SIDT1: variants seen among roughly 807,000 people sequenced by gnomAD.
SIDT1 encodes the protein SID1 transmembrane family, member 1.
Under a neutral mutation model 107.5 loss-of-function variants are expected in SIDT1, and 101 were observed. The observed-to-expected ratio is 0.94, with a 90% CI of 0.80 to 1.11. The LOEUF (loss-of-function observed/expected upper bound fraction) is 1.11. SIDT1 is among the 50% of genes least tolerant of loss of function. The probability of loss-of-function intolerance (pLI) is 0.00; values close to 1 mark genes in which losing one functional copy is unlikely to be tolerated. For missense variants in SIDT1, 1,076 were observed against 1,058.2 expected (o/e 1.02, Z -0.23); for synonymous variants, 395 against 398.2 (o/e 0.99, Z 0.10).
rs1560107029 is a variant in SIDT1, at chr3:113,603,023, C to A, written c.1136C>A (p.Pro379His). Residue 379 changes from proline (P) to histidine (H), a missense_variant, in exon 12 of 25, where the codon CCT (proline) becomes CAT (histidine). Pro to His is a moderately conservative substitution (Grantham distance 77, BLOSUM62 -2). Coordinates refer to ENST00000264852, the MANE Select transcript of SIDT1 (RefSeq NM_017699.3). ...YGTIDESSSS[P>H]GRQMSSSDGG... Reference sequence around the variant, plus strand: ...GTTTCAGATGAGTCAAGCTCCAGTCCTGGAAGGCAGATGTCCTCCTCCGAT... The same window carrying A: ...GTTTCAGATGAGTCAAGCTCCAGTCATGGAAGGCAGATGTCCTCCTCCGAT... 6.2e-7 allele frequency: 1 copy of A among 1,614,032 alleles called. No individual in the cohort carries two copies.
chr3:113,570,595 A>G (rs929591312), intron 3 of SIDT1, among the ~76,000 whole-genome samples: 1 of 152,246 alleles, frequency 6.6e-6, no homozygotes, highest in Non-Finnish European at 1.5e-5. Flanking sequence ...TTACCTCATA[A>G]TATGACTTAG....
At chr3:113,590,344 A>T (rs920394058) in intron 9 of SIDT1, among the ~76,000 whole-genome samples, 1 of 152,242 alleles carries the variant, frequency 6.6e-6, no homozygotes, top group African/African-American at 2.4e-5. Flanking sequence ...GTATCAAAAC[A>T]TGGGCACTTC....
downstream of SIDT1, among the ~76,000 whole-genome samples, chr3:113,633,868 C>T (rs1327592360): frequency 6.6e-6 from 1 of 152,054 alleles, no homozygotes; most frequent in African/African-American, 2.4e-5. Flanking sequence ...GCCTTGGGGT[C>T]CACTGAGCTG....
intron 18 of SIDT1, among the ~76,000 whole-genome samples, chr3:113,611,773 T>C (rs1428891758): frequency 1.3e-5 from 2 of 152,222 alleles, no homozygotes; most frequent in Non-Finnish European, 2.9e-5. Flanking sequence ...ACCTTCTAAA[T>C]ACGCATGGGA....
chr3:113,569,578 C>T (rs1329749051), intron 3 of SIDT1, among the ~76,000 whole-genome samples: 1 of 152,102 alleles, frequency 6.6e-6, no homozygotes, highest in African/African-American at 2.4e-5. Flanking sequence ...GTGTTATACC[C>T]ATACGGAAAC....
At chr3:113,562,139 G>C (rs1941489451) in intron 1 of SIDT1, among the ~76,000 whole-genome samples, 1 of 152,106 alleles carries the variant, frequency 6.6e-6, no homozygotes, top group East Asian at 1.9e-4. Context: ...TAAATATCAT[G>C]TGGTCCACAA....
At position 113,566,503 on chromosome 3, in the gene SIDT1, G is replaced by T. The variant is rs1323400608; in HGVS notation, c.306G>T (p.Glu102Asp). 6.2e-7 allele frequency: 1 copy of T among 1,614,176 alleles called. No homozygotes were observed. Among genetic ancestry groups the T allele is most frequent in the East Asian group, 2.2e-5 (1 of 44,886 alleles). ...TTGTTGTGGTTCGCCAGCAGAAAGAGGTGCTGTCCTGGCAGGTTCCTCTGC... is the reference window on the plus strand; with the variant it reads ...TTGTTGTGGTTCGCCAGCAGAAAGATGTGCTGTCCTGGCAGGTTCCTCTGC... ...PVLVVVRQQK[E>D]VLSWQVPLLF... Residue 102 changes from glutamate to aspartate, a missense_variant, in exon 2 of 25, where the codon GAG (glutamate) becomes GAT (aspartate). Glu to Asp is a conservative substitution (Grantham distance 45). Transcript: ENST00000264852.
At chr3:113,545,316 T>G (rs1939467941) in intron 1 of SIDT1, among the ~76,000 whole-genome samples, 1 of 152,122 alleles carries the variant, frequency 6.6e-6, no homozygotes, top group South Asian at 2.1e-4. Context: ...TCAGTTAATA[T>G]TCTACTGTAA....
At chr3:113,613,912 A>C (rs1302922007) in intron 19 of SIDT1, among the ~76,000 whole-genome samples, 3 of 152,250 alleles carry the variant, frequency 2.0e-5, no homozygotes, top group African/African-American at 7.2e-5. Context: ...TTAGGGTCCC[A>C]ACAGGAAAAA....
At chr3:113,604,813 TG>T in intron 13 of SIDT1, 96 bp from the exon 14 acceptor site, 1 of 1,402,678 alleles carries the variant, frequency 7.1e-7, no homozygotes, top group Non-Finnish European at 1.0e-6. Flanking sequence ...AAGTTAATTA[TG>T]GACTTATGGG....
chr3:113,611,716 G>A (rs569679715), intron 18 of SIDT1, among the ~76,000 whole-genome samples: 4 of 152,300 alleles, frequency 2.6e-5, no homozygotes, highest in African/African-American at 7.2e-5. Flanking sequence ...AAGTGGAATA[G>A]GGGTATATAA....
chr3:113,621,146 C>T (rs1946438270), intron 21 of SIDT1, among the ~76,000 whole-genome samples: 1 of 152,102 alleles, frequency 6.6e-6, no homozygotes. Flanking sequence ...GATGTATGTA[C>T]ATACATATGC....
chr3:113,603,367 G>A (rs1329742928), intron 12 of SIDT1, among the ~76,000 whole-genome samples: 4 of 152,002 alleles, frequency 2.6e-5, no homozygotes, highest in Non-Finnish European at 4.4e-5. Context: ...AAAGAGCACA[G>A]GGCATTAAAA....
intron 12 of SIDT1, 117 bp from the exon 13 acceptor site, chr3:113,603,843 G>A (rs1576925341): frequency 7.5e-6 from 5 of 663,644 alleles, no homozygotes; most frequent in East Asian, 6.3e-5. Context: ...TAATTGTATC[G>A]CTTGAATAAT....
intron 13 of SIDT1, 109 bp downstream of exon 13, chr3:113,604,142 A>G: frequency 1.4e-6 from 1 of 692,364 alleles, no homozygotes; most frequent in Non-Finnish European, 2.4e-6. Flanking sequence ...AGGCACAGGC[A>G]TAGGGAATGA....
intron 1 of SIDT1, among the ~76,000 whole-genome samples, chr3:113,549,409 C>T (rs138465734): frequency 6.6e-6 from 1 of 152,282 alleles, no homozygotes; most frequent in East Asian, 1.9e-4. Context: ...TCCACAACCT[C>T]ATCAGCATTT....
chr3:113,574,123 A>G (rs187683546), intron 3 of SIDT1, among the ~76,000 whole-genome samples: 65 of 152,348 alleles, frequency 4.3e-4, no homozygotes, highest in Non-Finnish European at 6.6e-4. Flanking sequence ...GGTTGAGACT[A>G]GAATATATTT....
At chr3:113,568,333 C>G (rs1942109856) in intron 3 of SIDT1, among the ~76,000 whole-genome samples, 1 of 152,110 alleles carries the variant, frequency 6.6e-6, no homozygotes, top group Non-Finnish European at 1.5e-5. Flanking sequence ...TGGTGGCTCA[C>G]TCCTGTAATC....
chr3:113,591,527 T>C (rs1018215631), intron 9 of SIDT1, among the ~76,000 whole-genome samples: 1 of 151,736 alleles, frequency 6.6e-6, no homozygotes, highest in South Asian at 2.1e-4. Context: ...CTTTCTGATA[T>C]CAATCTTATT....
Sources: gnomAD v4.1 joint callset for allele counts (sites outside exome capture counted in the v4.1 genomes callset) on GRCh38, gnomAD v4.1.1 for gene constraint, MANE v1.5 for transcripts, NCBI Gene and HGNC (gene_info 2026-07-23, HGNC 2026-07-21) for gene names.